FBXL7: variants seen among roughly 807,000 people sequenced by gnomAD.
FBXL7 encodes the protein F-box and leucine rich repeat protein 7.
In FBXL7, 12 loss-of-function variants were observed where a neutral mutation model predicts 38.3. The ratio of observed to expected loss-of-function variants is 0.31; its 90% CI spans 0.20 to 0.51. The LOEUF (loss-of-function observed/expected upper bound fraction) is 0.51, where lower values mean the gene tolerates loss of function less well. Ranked by LOEUF, FBXL7 falls within the 20% of genes least tolerant of loss-of-function variation. The pLI is 0.98. For synonymous variants in FBXL7, 297 were observed against 300.9 expected, an observed-to-expected ratio of 0.99 and a Z score of 0.13; for missense variants, 567 against 676.4, an observed-to-expected ratio of 0.84 and a Z score of 1.79.
At position 15,775,256 on chromosome 5, in the gene FBXL7, G is replaced by T. The variant is rs918593050; in HGVS notation, c.128-152634G>T. Reference sequence around the variant, plus strand: ...AATAGCAGAAAAACATTTAGAGTTGGGTTTTTTGTTATTTGCTGGAAAATA... The same window carrying T: ...AATAGCAGAAAAACATTTAGAGTTGTGTTTTTTGTTATTTGCTGGAAAATA... On this transcript the variant is annotated intron_variant, in intron 2 of 3. Coordinates refer to ENST00000504595, the MANE Select transcript of FBXL7 (RefSeq NM_012304.5). 5.9e-5 allele frequency among the ~76,000 whole-genome samples: 9 copies of T among 152,058 alleles called. No individual in the cohort carries two copies. The East Asian group carries it at 1.4e-3, about 23-fold the overall frequency.
chr5:15,532,206 C>T (rs895732660), intron 1 of FBXL7, among the ~76,000 whole-genome samples: 5 of 152,212 alleles, frequency 3.3e-5, no homozygotes, highest in African/African-American at 1.2e-4. Context: ...GTGGCTATTT[C>T]TCATACACAC....
At position 15,521,231 on chromosome 5, in the gene FBXL7, A is replaced by G. The variant is rs141248405; in HGVS notation, c.37+20518A>G. ...GAAATGAATTAGTAAATACAAAGTT[A>G]TAATGCCTGGCACATAACAAACACT... is the stretch of plus-strand genomic sequence containing the variant. On this transcript the variant is annotated intron_variant, in intron 1 of 3. Transcript: ENST00000504595. Among the ~76,000 whole-genome samples, 452 of 152,346 alleles carry G rather than the reference A, an allele frequency of 3.0e-3. 3 individuals are homozygous for G. The highest frequency in any genetic ancestry group is 0.01 in the African/African-American group (430 of 41,576).
intron 2 of FBXL7, among the ~76,000 whole-genome samples, chr5:15,876,348 T>C (rs1178576048): frequency 1.3e-5 from 2 of 151,744 alleles, no homozygotes; most frequent in Admixed American, 6.6e-5. Flanking sequence ...TGTATATCTA[T>C]GTAAGAAACC....
At chr5:15,624,690 C>T (rs1835129) in intron 2 of FBXL7, among the ~76,000 whole-genome samples, 47,471 of 152,050 alleles carry the variant, frequency 0.31, 7,798 homozygotes, top group East Asian at 0.45. Flanking sequence ...ATGAATTCAG[C>T]TTTTCTGAAG....
intron 2 of FBXL7, among the ~76,000 whole-genome samples, chr5:15,895,221 G>A (rs540407996): frequency 6.6e-6 from 1 of 152,250 alleles, no homozygotes; most frequent in East Asian, 1.9e-4. Flanking sequence ...AAGTTAAAAT[G>A]ATTACCGATG....
intron 2 of FBXL7, among the ~76,000 whole-genome samples, chr5:15,751,253 TTTC>T (rs141383065): frequency 0.63 from 95,576 of 151,654 alleles, 30,837 homozygotes; most frequent in East Asian, 0.72. Flanking sequence ...GGTAAAAATT[TTTC>T]TTTTCACTTT....
At chr5:15,912,863 T>C (rs1011694015) in intron 2 of FBXL7, among the ~76,000 whole-genome samples, 12 of 152,092 alleles carry the variant, frequency 7.9e-5, no homozygotes, top group Non-Finnish European at 1.2e-4. Flanking sequence ...GAAGAGATTA[T>C]GAACTTAGAC....
At chr5:15,655,832 C>T (rs1220922746) in intron 2 of FBXL7, among the ~76,000 whole-genome samples, 1 of 152,146 alleles carries the variant, frequency 6.6e-6, no homozygotes, top group East Asian at 1.9e-4. Context: ...CTCACAAAGC[C>T]TCAACTCAAA....
At chr5:15,790,656 TA>T (rs1358090258) in intron 2 of FBXL7, among the ~76,000 whole-genome samples, 2 of 152,168 alleles carry the variant, frequency 1.3e-5, no homozygotes, top group African/African-American at 4.8e-5. Flanking sequence ...TACATCCTTT[TA>T]AAAACAATGT....
At chr5:15,740,644 G>T (rs1735871929) in intron 2 of FBXL7, among the ~76,000 whole-genome samples, 2 of 152,146 alleles carry the variant, frequency 1.3e-5, no homozygotes, top group Non-Finnish European at 2.9e-5. Flanking sequence ...ATTTTTGCTG[G>T]CAAATGGTTG....
Position 15,616,004 on chromosome 5 carries a change from C to T in FBXL7, c.59C>T (p.Ser20Leu). 1.2e-6 allele frequency: 2 copies of T among 1,613,182 alleles called. No individual in the cohort carries two copies. Among genetic ancestry groups the T allele is most frequent in the Non-Finnish European group, 1.7e-6 (2 of 1,179,386 alleles). ...GSEGKGSSSI[S>L]SDVSSSTDHT... The stretch of plus-strand genomic sequence containing the variant: ...CCAGGCAAAGGCAGCTCGAGCATCT[C>T]ATCTGACGTGAGTTCAAGTACAGAT... The change falls in exon 2 of 4, where the codon TCA becomes TTA. Residue 20 changes from serine to leucine, a missense_variant. Coordinates refer to ENST00000504595, the MANE Select transcript of FBXL7 (RefSeq NM_012304.5).
intron 2 of FBXL7, among the ~76,000 whole-genome samples, chr5:15,708,291 A>G (rs1457165386): frequency 6.6e-6 from 1 of 152,214 alleles, no homozygotes; most frequent in African/African-American, 2.4e-5. Context: ...CCATCTTTAG[A>G]TAGGGAAAGG....
intron 2 of FBXL7, among the ~76,000 whole-genome samples, chr5:15,880,933 T>G (rs2126331154): frequency 6.6e-6 from 1 of 151,916 alleles, no homozygotes; most frequent in East Asian, 1.9e-4. Context: ...CTAGTACTGT[T>G]TTTTATTTTG....
At chr5:15,676,822 GTGTCCCCAAGTAAA>G (rs1291171657) in intron 2 of FBXL7, among the ~76,000 whole-genome samples, 1 of 152,110 alleles carries the variant, frequency 6.6e-6, no homozygotes, top group African/African-American at 2.4e-5. Context: ...ACTCATGAAC[GTGTCCCCAAGTAAA>G]TGTTCCATAT....
chr5:15,915,139 A>G (rs1027894166), intron 2 of FBXL7, among the ~76,000 whole-genome samples: 2 of 152,224 alleles, frequency 1.3e-5, no homozygotes, highest in African/African-American at 4.8e-5. Context: ...AATCTCATAC[A>G]TACTCTAAAA....
chr5:15,907,709 G>C (rs1271641426), intron 2 of FBXL7, among the ~76,000 whole-genome samples: 14 of 82,762 alleles, frequency 1.7e-4, no homozygotes, highest in Non-Finnish European at 6.5e-5. Flanking sequence ...GTGTAAGGAA[G>C]GGATCCAGTT....
At chr5:15,856,970 T>C (rs13175059) in intron 2 of FBXL7, among the ~76,000 whole-genome samples, 40,247 of 152,116 alleles carry the variant, frequency 0.26, 5,561 homozygotes, top group Admixed American at 0.41. Context: ...TGCAAGTATT[T>C]TTGTAAGATA....
intron 1 of FBXL7, among the ~76,000 whole-genome samples, chr5:15,574,621 T>C (rs968318639): frequency 6.6e-6 from 1 of 152,210 alleles, no homozygotes; most frequent in Admixed American, 6.5e-5. Flanking sequence ...ATAGCTCTGT[T>C]TGCTTCAAGG....
intron 2 of FBXL7, among the ~76,000 whole-genome samples, chr5:15,763,246 C>A (rs1208245105): frequency 6.6e-6 from 1 of 152,164 alleles, no homozygotes; most frequent in African/African-American, 2.4e-5. Flanking sequence ...AGCATGTAAT[C>A]CCCCTGTGCC....
Sources: gnomAD v4.1 joint callset for allele counts (sites outside exome capture counted in the v4.1 genomes callset) on GRCh38, gnomAD v4.1.1 for gene constraint, MANE v1.5 for transcripts, NCBI Gene and HGNC (gene_info 2026-07-23, HGNC 2026-07-21) for gene names.